The following WARS1 variants were observed in gnomAD, a reference collection of about 807,000 sequenced individuals.
WARS1 encodes tryptophanyl-tRNA synthetase 1, also known as tryptophan--tRNA ligase, cytoplasmic.
In WARS1, 17 loss-of-function variants were observed where a neutral mutation model predicts 47.8. The ratio of observed to expected loss-of-function variants is 0.36; its 90% CI spans 0.24 to 0.53. The LOEUF (loss-of-function observed/expected upper bound fraction) is 0.53, where lower values mean the gene tolerates loss of function less well. Ranked by LOEUF, WARS1 falls within the 20% of genes least tolerant of loss-of-function variation. The pLI, the probability that WARS1 is intolerant of heterozygous loss-of-function variation, is 0.91. For synonymous variants in WARS1, 208 were observed against 228.1 expected (o/e 0.91, Z 0.79); for missense variants, 434 against 608.0 (o/e 0.71, Z 3.01).
chr14:100,366,634 T>C (rs866985101), intron 2 of WARS1: 5 of 757,882 alleles, frequency 6.6e-6, no homozygotes, highest in African/African-American at 3.4e-5. Context: ...ACATGGCCCA[T>C]GGACATGGAC....
Position 100,373,998 on chromosome 14 carries a change from A to C in WARS1, c.-74+1285T>G, listed in dbSNP as rs1896492809. The C allele has an allele frequency of 6.6e-6, 1 of 152,006 alleles. No homozygotes were observed. Among genetic ancestry groups the C allele is most frequent in the Non-Finnish European group, 1.5e-5 (1 of 67,994 alleles). 9.4% of individuals were successfully genotyped at this position (152,006 alleles called of 1,614,324 possible). A position where few individuals can be genotyped will look rare whatever the true frequency, so the allele number is the denominator to read the frequency against. ...CCCCTACCTATTGACATCCTCCTTT[A>C]TTTCTTTGTTGACTTTCAGAATTGA... On this transcript the variant is annotated intron_variant, in intron 1 of 10. Transcript: ENST00000392882. This position sits in a 1 kb window ranked among gnomAD's most constrained non-coding sequence, Gnocchi z 4.4.
intron 2 of WARS1, 37 bp from the exon 3 acceptor site, chr14:100,361,958 A>T: frequency 1.2e-6 from 2 of 1,602,610 alleles, no homozygotes; most frequent in Non-Finnish European, 1.7e-6. Flanking sequence ...TAAAAGTATT[A>T]CTAATAGCTG....
rs1319554870 is a variant in WARS1 at position 100,335,103 on chromosome 14, G to A, written c.1255-67C>T. The A allele has an allele frequency of 1.0e-5, 16 of 1,535,934 alleles. No individual in the cohort carries two copies. In the South Asian group the frequency reaches 1.5e-4, roughly 15 times the overall value. On this transcript the variant is annotated intron_variant, in intron 10 of 10. Coordinates refer to ENST00000392882, the MANE Select transcript of WARS1 (RefSeq NM_004184.4). Reference sequence around the variant, plus strand: ...GTCCTGAGTGGCTCCTTCCTGCCTCGGGCACCAGCTCAGCCCACACCACCC... The same window carrying A: ...GTCCTGAGTGGCTCCTTCCTGCCTCAGGCACCAGCTCAGCCCACACCACCC...
chr14:100,336,972 C>T lies in WARS1; in HGVS notation c.1254+90G>A. ...TTCAGTTGAGCACCTCCGACCAAGCCTTCATGCCTGGCTGTTGGAGCCTTC... is the reference window on the plus strand; with the variant it reads ...TTCAGTTGAGCACCTCCGACCAAGCTTTCATGCCTGGCTGTTGGAGCCTTC... On this transcript the variant is annotated intron_variant, in intron 10 of 10. Transcript: ENST00000392882. 7 of 1,543,620 alleles carry T rather than the reference C, an allele frequency of 4.5e-6. No homozygotes were observed. The South Asian group carries it at 7.2e-5, about 16-fold the overall frequency.
intron 6 of WARS1, among the ~76,000 whole-genome samples, chr14:100,352,215 G>C (rs1389333385): frequency 7.0e-6 from 1 of 143,534 alleles, no homozygotes; most frequent in Non-Finnish European, 1.5e-5. Context: ...AGGTTCAAGC[G>C]ATTCTTCTGC....
At chr14:100,351,281 T>A (rs1894962097) in intron 6 of WARS1, among the ~76,000 whole-genome samples, 1 of 152,024 alleles carries the variant, frequency 6.6e-6, no homozygotes, top group Non-Finnish European at 1.5e-5. Context: ...GAACCCACAG[T>A]TGTCTCTGCA....
chr14:100,363,555 G>A (rs1895779413), intron 2 of WARS1, among the ~76,000 whole-genome samples: 1 of 152,060 alleles, frequency 6.6e-6, no homozygotes, highest in Non-Finnish European at 1.5e-5. Flanking sequence ...AAATTAGCCA[G>A]GTGTGGTGGC....
intron 4 of WARS1, among the ~76,000 whole-genome samples, chr14:100,356,399 G>GC (rs961197719): frequency 2.9e-5 from 2 of 69,880 alleles, no homozygotes; most frequent in Non-Finnish European, 6.5e-5. Flanking sequence ...GTGTGTGTGT[G>GC]GGGGGGGGTG....
intron 8 of WARS1, 103 bp from the exon 9 acceptor site, chr14:100,342,674 C>T: frequency 8.9e-7 from 1 of 1,123,858 alleles, no homozygotes; most frequent in South Asian, 1.6e-5. Context: ...TCTCATGCTT[C>T]CAACCAAAGA....
At chr14:100,363,650 T>C (rs1341953074) in intron 2 of WARS1, among the ~76,000 whole-genome samples, 1 of 152,058 alleles carries the variant, frequency 6.6e-6, no homozygotes, top group Non-Finnish European at 1.5e-5. Flanking sequence ...TGAGCCGAGA[T>C]TGCACCACTG....
intron 4 of WARS1, among the ~76,000 whole-genome samples, chr14:100,357,753 GC>G (rs1247824915): frequency 6.6e-6 from 1 of 152,138 alleles, no homozygotes; most frequent in Non-Finnish European, 1.5e-5. Context: ...AAGCCACCGT[GC>G]CCGGCCATCA....
intron 2 of WARS1, among the ~76,000 whole-genome samples, chr14:100,364,423 T>C (rs1895833253): frequency 6.6e-6 from 1 of 152,200 alleles, no homozygotes; most frequent in Non-Finnish European, 1.5e-5. Context: ...CCTAGATAAA[T>C]GGCAGGAGAA....
At chr14:100,362,037 G>T in intron 2 of WARS1, 116 bp from the exon 3 acceptor site, 1 of 1,052,784 alleles carries the variant, frequency 9.5e-7, no homozygotes, top group Non-Finnish European at 1.4e-6. Context: ...ACCTTAGTTA[G>T]TGTCACAACC....
chr14:100,337,558 AG>A (rs1165955457), intron 9 of WARS1, among the ~76,000 whole-genome samples: 2 of 152,094 alleles, frequency 1.3e-5, no homozygotes, highest in African/African-American at 4.8e-5. Flanking sequence ...CGTCAGAAAA[AG>A]GATGGGTAAG....
At chr14:100,366,579 CAG>C (rs891990629) in intron 2 of WARS1, 22 of 667,802 alleles carry the variant, frequency 3.3e-5, no homozygotes, top group Admixed American at 9.5e-5. Flanking sequence ...ATTAAGATCT[CAG>C]AGAGAGAGAG....
Position 100,361,801 on chromosome 14 carries a change from C to T in WARS1, c.220G>A (p.Gly74Ser). ...PGNPAPTSNHGPDATEAEEDF... is the reference protein window; with the variant it reads ...PGNPAPTSNHSPDATEAEEDF... ...TCTTCAGCTTCTGTGGCATCTGGGC[C>T]ATGATTACTGGTAGGTGCTGGGTTC... Residue 74 changes from glycine to serine, a missense_variant, in exon 3 of 11, where the codon GGC becomes AGC. Physicochemically the swap from Gly to Ser is moderately conservative, Grantham distance 56 (BLOSUM62 0). Around this residue, in one of 2 missense-constraint regions of WARS1, gnomAD observed 347 missense variants for 523.8 expected, o/e 0.66. Transcript: ENST00000392882. 1 of 1,614,188 alleles carries T rather than the reference C, an allele frequency of 6.2e-7. No homozygotes were observed. The highest frequency in any genetic ancestry group is 8.5e-7 in the Non-Finnish European group (1 of 1,180,030).
chr14:100,346,603 C>T, intron 7 of WARS1, 143 bp downstream of exon 7: 2 of 647,894 alleles, frequency 3.1e-6, no homozygotes, highest in Non-Finnish European at 5.4e-6. Context: ...GATGACCCAC[C>T]CACGCCTGGG....
At chr14:100,345,525 G>C (rs188825923) in intron 7 of WARS1, among the ~76,000 whole-genome samples, 13,450 of 151,376 alleles carry the variant, frequency 0.089, 770 homozygotes, top group Non-Finnish European at 0.13. Flanking sequence ...CAAACACTGC[G>C]GAAGGCCGCA....
At chr14:100,360,417 G>C in intron 4 of WARS1, 137 bp downstream of exon 4, 2 of 584,940 alleles carry the variant, frequency 3.4e-6, no homozygotes, top group Non-Finnish European at 6.1e-6. Flanking sequence ...ACAGGACAGA[G>C]GATGGATCTC....
Sources: allele counts gnomAD v4.1 joint callset (sites outside exome capture counted in the v4.1 genomes callset), GRCh38; gene constraint gnomAD v4.1.1; regional missense constraint gnomAD v4.1.1; non-coding constraint Gnocchi (gnomAD v3.1); transcripts MANE v1.5; gene names NCBI Gene and HGNC (gene_info 2026-07-23, HGNC 2026-07-21).